MREG: variants seen among roughly 807,000 people sequenced by gnomAD.
MREG encodes dilute suppressor protein homolog.
In MREG, 31 loss-of-function variants were observed where a neutral mutation model predicts 28.5. The ratio of observed to expected loss-of-function variants is 1.09; its 90% CI spans 0.82 to 1.47. MREG has a LOEUF of 1.47. MREG is among the 40% of genes most tolerant of loss of function. The probability of loss-of-function intolerance (pLI) is 0.00; values close to 1 mark genes in which losing one functional copy is unlikely to be tolerated. For synonymous variants in MREG, 106 were observed against 95.2 expected, an observed-to-expected ratio of 1.11 and a Z score of -0.66; for missense variants, 256 against 257.4, an observed-to-expected ratio of 0.99 and a Z score of 0.04.
At chr2:216,018,189 C>T (rs1352792628), upstream of MREG, among the ~76,000 whole-genome samples, 1 of 152,048 alleles carries the variant, frequency 6.6e-6, no homozygotes, top group African/African-American at 2.4e-5. Context: ...TCCAATGCCA[C>T]ATCATGAACA....
chr2:216,003,143 C>T (rs11684792), intron 1 of MREG, among the ~76,000 whole-genome samples: 1 of 151,732 alleles, frequency 6.6e-6, no homozygotes, highest in Non-Finnish European at 1.5e-5. Context: ...GCTGGGGTGT[C>T]GGGGGGCGAT....
chr2:215,991,271 C>A (rs560996225), intron 2 of MREG, among the ~76,000 whole-genome samples: 1 of 152,274 alleles, frequency 6.6e-6, no homozygotes, highest in Non-Finnish European at 1.5e-5. Context: ...GGAAACTGAA[C>A]AACCTGTTGT....
chr2:215,955,734 G>A (rs1203847139), intron 2 of MREG, among the ~76,000 whole-genome samples: 2 of 152,150 alleles, frequency 1.3e-5, no homozygotes, highest in East Asian at 3.8e-4. Context: ...TTAGTTTTCT[G>A]TCATTTTGTA....
At chr2:216,031,342 G>A (rs1318011303) in intron 1 of MREG, among the ~76,000 whole-genome samples, 1 of 151,952 alleles carries the variant, frequency 6.6e-6, no homozygotes, top group Non-Finnish European at 1.5e-5. Flanking sequence ...AAGAGGCAGA[G>A]GTTGCAGTGA....
chr2:215,993,562 T>C (rs967322079), intron 2 of MREG, among the ~76,000 whole-genome samples: 2 of 152,102 alleles, frequency 1.3e-5, no homozygotes, highest in African/African-American at 4.8e-5. Flanking sequence ...AAAGCCAAAA[T>C]TGACAAATGG....
Position 215,943,215 on chromosome 2 carries a change from C to A in MREG, c.*1648G>T. On this transcript the variant is annotated 3_prime_UTR_variant, in exon 5 of 5. Transcript: ENST00000263268. Reference sequence around the variant, plus strand: ...TTTTCTCAGCAATCTATGGATTAACCTTACAAATCCTTAAAGTCTTTTCAG... The same window carrying A: ...TTTTCTCAGCAATCTATGGATTAACATTACAAATCCTTAAAGTCTTTTCAG... 1.4e-5 allele frequency: 4 copies of A among 285,064 alleles called. No homozygotes were observed. Among genetic ancestry groups the A allele is most frequent in the Non-Finnish European group, 2.8e-5 (4 of 141,106 alleles). The allele number at this position is 285,064 out of a possible 1,614,324, so 17.7% of individuals were successfully genotyped here. A position where few individuals can be genotyped will look rare whatever the true frequency, so the allele number is the denominator to read the frequency against.
chr2:216,000,025 G>A (rs916219603), intron 1 of MREG, among the ~76,000 whole-genome samples: 33 of 152,238 alleles, frequency 2.2e-4, no homozygotes, highest in Admixed American at 5.2e-4. Flanking sequence ...GGTGGACACC[G>A]GAGAAGTGTC....
intron 2 of MREG, among the ~76,000 whole-genome samples, chr2:215,961,734 C>G (rs1692796138): frequency 6.6e-6 from 1 of 152,148 alleles, no homozygotes; most frequent in Admixed American, 6.5e-5. Context: ...GCCTCTCCTC[C>G]TTTTTGACCC....
intron 2 of MREG, among the ~76,000 whole-genome samples, chr2:215,984,421 G>A (rs1693510025): frequency 1.3e-5 from 2 of 149,216 alleles, no homozygotes. Context: ...GGGAGGCCAA[G>A]GCAGAAGAAT....
intron 1 of MREG, among the ~76,000 whole-genome samples, chr2:216,020,097 G>A (rs746322506): frequency 1.3e-5 from 2 of 152,076 alleles, no homozygotes; most frequent in Non-Finnish European, 2.9e-5. Flanking sequence ...AGAAAGTTTG[G>A]CTCTTTCAGC....
intron 2 of MREG, among the ~76,000 whole-genome samples, chr2:215,964,124 AC>A (rs1474315570): frequency 1.3e-5 from 2 of 152,210 alleles, no homozygotes; most frequent in Admixed American, 6.5e-5. Context: ...GGAAAAAACC[AC>A]AATAAAATGG....
At chr2:215,982,716 G>A (rs749986622) in intron 2 of MREG, among the ~76,000 whole-genome samples, 2 of 152,174 alleles carry the variant, frequency 1.3e-5, no homozygotes, top group Non-Finnish European at 2.9e-5. Context: ...GGAGAGCCTG[G>A]AGTAATGTTT....
chr2:215,980,027 T>G (rs1693382580), intron 2 of MREG, among the ~76,000 whole-genome samples: 1 of 151,066 alleles, frequency 6.6e-6, no homozygotes, highest in South Asian at 2.1e-4. Flanking sequence ...TTTCTGTCAG[T>G]AAATTATCCT....
At chr2:216,002,378 A>G (rs79800204) in intron 1 of MREG, among the ~76,000 whole-genome samples, 3,713 of 152,244 alleles carry the variant, frequency 0.024, 139 homozygotes, top group African/African-American at 0.081. Context: ...ATTCCTCACT[A>G]CTAACAAGGG....
intron 1 of MREG, among the ~76,000 whole-genome samples, chr2:216,030,636 A>G (rs1694664904): frequency 6.6e-6 from 1 of 151,706 alleles, no homozygotes; most frequent in African/African-American, 2.4e-5. Context: ...CTCCGCCCCC[A>G]GGTTCAAGCG....
At chr2:216,004,185 C>A (rs919681560) in intron 1 of MREG, among the ~76,000 whole-genome samples, 2 of 152,140 alleles carry the variant, frequency 1.3e-5, no homozygotes, top group African/African-American at 2.4e-5. Context: ...CTCACTCCTC[C>A]CTCTCCTTCA....
chr2:215,993,405 T>G (rs1231236134), intron 2 of MREG, among the ~76,000 whole-genome samples: 4 of 152,142 alleles, frequency 2.6e-5, no homozygotes, highest in African/African-American at 7.2e-5. Context: ...CCTTATACCT[T>G]ACACAAAAAT....
intron 1 of MREG, among the ~76,000 whole-genome samples, chr2:215,998,662 A>C (rs1014320200): frequency 6.6e-6 from 1 of 152,066 alleles, no homozygotes; most frequent in African/African-American, 2.4e-5. Context: ...CCACAGCCTG[A>C]CTCTTCCTAA....
chr2:215,998,496 G>A (rs1312093373), intron 1 of MREG, among the ~76,000 whole-genome samples: 1 of 152,120 alleles, frequency 6.6e-6, no homozygotes, highest in African/African-American at 2.4e-5. Context: ...CCTTGTGGCT[G>A]CAGGTCAGAA....
Sources: gnomAD v4.1 joint callset for allele counts (sites outside exome capture counted in the v4.1 genomes callset) on GRCh38, gnomAD v4.1.1 for gene constraint, MANE v1.5 for transcripts, NCBI Gene and HGNC (gene_info 2026-07-23, HGNC 2026-07-21) for gene names.